INSC: variants seen among roughly 807,000 people sequenced by gnomAD.
INSC encodes the protein protein inscuteable homolog.
In INSC, 67 loss-of-function variants were observed where a neutral mutation model predicts 58.6. The ratio of observed to expected loss-of-function variants is 1.14; its 90% confidence interval spans 0.94 to 1.40. INSC has a LOEUF of 1.40. Among genes scored for constraint, INSC ranks in the 40% most tolerant of loss-of-function variants. The pLI is 0.00. For synonymous variants in INSC, 262 were observed against 276.1 expected (o/e 0.95, Z 0.51); for missense variants, 714 against 692.0 (o/e 1.03, Z -0.36).
chr11:15,254,615 G>A, the INSC span, among the ~76,000 whole-genome samples: 4 of 152,208 alleles, frequency 2.6e-5, no homozygotes, highest in Admixed American at 2.0e-4. Context: ...GGATTGTTGT[G>A]AGAATTAAAT....
chr11:15,171,872 A>G (rs1283140549), intron 2 of INSC, among the ~76,000 whole-genome samples: 2 of 152,174 alleles, frequency 1.3e-5, no homozygotes, highest in Non-Finnish European at 2.9e-5. Flanking sequence ...ACGTTTCACA[A>G]TTTGGGGCAA....
upstream of INSC, among the ~76,000 whole-genome samples, chr11:15,113,289 T>A (rs774696768): frequency 6.6e-6 from 1 of 151,942 alleles, no homozygotes; most frequent in African/African-American, 2.4e-5. Context: ...GCCTCCTGAG[T>A]AGCTGGGGTA....
At chr11:15,143,398 A>G (rs57729855) in intron 1 of INSC, among the ~76,000 whole-genome samples, 118 of 152,234 alleles carry the variant, frequency 7.8e-4, no homozygotes, top group African/African-American at 2.7e-3. Flanking sequence ...TGTTGGGGTC[A>G]GAGGAAGGAG....
intron 6 of INSC, among the ~76,000 whole-genome samples, chr11:15,195,405 CT>C (rs1756432390): frequency 6.6e-6 from 1 of 151,966 alleles, no homozygotes; most frequent in South Asian, 2.1e-4. Context: ...CACATGGGTT[CT>C]GAAGATATTT....
chr11:15,116,361 T>C (rs897735935), intron 1 of INSC, among the ~76,000 whole-genome samples: 2 of 152,194 alleles, frequency 1.3e-5, no homozygotes, highest in Admixed American at 6.5e-5. Flanking sequence ...GTTGATTCTT[T>C]CTCTTCTTTG....
At position 15,245,970 on chromosome 11, in the gene INSC, A is replaced by C. The variant is rs1277789850; in HGVS notation, c.1529A>C (p.Gln510Pro). Residue 510 changes from glutamine (Q) to proline (P), a missense_variant, in exon 13 of 13, where the codon CAG becomes CCG. Gln to Pro is a moderately conservative substitution (Grantham distance 76). Coordinates refer to ENST00000379556, the MANE Select transcript of INSC (RefSeq NM_001042536.3). ...CPEGLQDSDF[Q>P]QLVQPRLVDS... ...GAAGGCCTCCAGGACTCTGACTTTC[A>C]GCAGTTGGTCCAGCCTCGGCTGGTG... is the stretch of plus-strand genomic sequence containing the variant. The C allele has an allele frequency of 6.2e-7, 1 of 1,614,164 alleles. No individual in the cohort carries two copies. The highest frequency in any genetic ancestry group is 1.7e-5 in the Admixed American group (1 of 60,022).
chr11:15,116,921 C>CTCCTTCGTTCCT (rs1847740180), intron 1 of INSC, among the ~76,000 whole-genome samples: 1 of 20,590 alleles, frequency 4.9e-5, no homozygotes, highest in Admixed American at 6.1e-4. Context: ...CCCTCCCTCC[C>CTCCTTCGTTCCT]TCCTTCCTTC....
At chr11:15,180,730 T>C (rs1404786340) in intron 5 of INSC, among the ~76,000 whole-genome samples, 4 of 146,662 alleles carry the variant, frequency 2.7e-5, no homozygotes, top group African/African-American at 1.0e-4. Flanking sequence ...TTGTCCTCCA[T>C]TCATCTGCAT....
intron 9 of INSC, among the ~76,000 whole-genome samples, chr11:15,229,296 C>T (rs931582390): frequency 6.6e-6 from 1 of 152,136 alleles, no homozygotes; most frequent in African/African-American, 2.4e-5. Flanking sequence ...GATTTTGTAA[C>T]ATTTCTGGGA....
upstream of INSC, among the ~76,000 whole-genome samples, chr11:15,114,246 C>CGGGGGTGGGGGGTG (rs964953777): frequency 3.3e-5 from 1 of 30,188 alleles, no homozygotes; most frequent in East Asian, 5.9e-4. Flanking sequence ...GAGTCCAGGA[C>CGGGGGTGGGGGGTG]GGGGGTGGGG....
intron 7 of INSC, among the ~76,000 whole-genome samples, chr11:15,214,074 T>C (rs934666071): frequency 6.6e-6 from 1 of 152,242 alleles, no homozygotes; most frequent in Admixed American, 6.5e-5. Flanking sequence ...ATGGGTTTAT[T>C]TATTCCATGA....
chr11:15,214,284 T>C (rs1478064194), intron 7 of INSC, among the ~76,000 whole-genome samples: 1 of 152,174 alleles, frequency 6.6e-6, no homozygotes, highest in Non-Finnish European at 1.5e-5. Context: ...CCTTTAGATG[T>C]CTGGAAGGAC....
chr11:15,239,000 A>G lies in INSC; in HGVS notation c.1319A>G (p.Gln440Arg), dbSNP rs1478152949. ...PAEVAACERVQQKAAVTLARL... is the reference protein window; with the variant it reads ...PAEVAACERVRQKAAVTLARL... ...GAAGTGGCAGCCTGTGAGCGAGTCC[A>G]GCAGAAAGCTGCAGTGACCCTGGCT... The change falls in exon 11 of 13, where the codon CAG becomes CGG. Residue 440 changes from glutamine to arginine, a missense_variant. By Grantham distance (43) the Gln-to-Arg change is conservative. Coordinates refer to ENST00000379556, the MANE Select transcript of INSC (RefSeq NM_001042536.3). 6.2e-7 allele frequency: 1 copy of G among 1,614,238 alleles called. No homozygotes were observed. The highest frequency in any genetic ancestry group is 1.7e-5 in the Admixed American group (1 of 60,024).
intron 12 of INSC, among the ~76,000 whole-genome samples, chr11:15,243,030 A>G (rs1013381932): frequency 2.0e-5 from 3 of 152,076 alleles, no homozygotes; most frequent in African/African-American, 4.8e-5. Context: ...CTAGCCTGGA[A>G]CCTTCCCAGG....
At chr11:15,207,258 A>G (rs1448588933) in intron 7 of INSC, among the ~76,000 whole-genome samples, 2 of 152,230 alleles carry the variant, frequency 1.3e-5, no homozygotes, top group African/African-American at 4.8e-5. Context: ...CTGAAAGACC[A>G]GAGACGGCCT....
At chr11:15,198,108 G>A (rs963933756) in intron 6 of INSC, among the ~76,000 whole-genome samples, 6 of 152,074 alleles carry the variant, frequency 3.9e-5, no homozygotes, top group Middle Eastern at 3.4e-3. Context: ...CCTAGCCCTC[G>A]GGACCTCTTT....
At chr11:15,156,975 G>C (rs996718938) in intron 2 of INSC, among the ~76,000 whole-genome samples, 1 of 152,210 alleles carries the variant, frequency 6.6e-6, no homozygotes, top group African/African-American at 2.4e-5. Context: ...GGTATGTGGA[G>C]ATGATTGTAG....
chr11:15,170,435 T>A (rs1714370), intron 2 of INSC, among the ~76,000 whole-genome samples: 115,135 of 151,728 alleles, frequency 0.76, 45,412 homozygotes, highest in East Asian at 0.98. Flanking sequence ...TCAGGTGTTT[T>A]GTAGAATGTC....
At chr11:15,263,035 GA>G in the INSC span, among the ~76,000 whole-genome samples, 1 of 152,038 alleles carries the variant, frequency 6.6e-6, no homozygotes, top group Non-Finnish European at 1.5e-5. Context: ...ATTTAAAATA[GA>G]AACAACGAAA....
Sources: allele counts gnomAD v4.1 joint callset (sites outside exome capture counted in the v4.1 genomes callset), GRCh38; gene constraint gnomAD v4.1.1; transcripts MANE v1.5; gene names NCBI Gene and HGNC (gene_info 2026-07-23, HGNC 2026-07-21).